FAM151B: variants seen among roughly 807,000 people sequenced by gnomAD.
FAM151B encodes the protein family with sequence similarity 151 member B, also known as protein FAM151B.
Under a neutral mutation model 31.2 loss-of-function variants are expected in FAM151B, and 24 were observed. The ratio of observed to expected loss-of-function variants is 0.77; its 90% CI spans 0.56 to 1.08. FAM151B has a LOEUF of 1.08. Ranked by LOEUF, FAM151B falls within the 50% of genes least tolerant of loss-of-function variation. The probability of loss-of-function intolerance (pLI) is 0.00; values close to 1 mark genes in which losing one functional copy is unlikely to be tolerated. For synonymous variants in FAM151B, 105 were observed against 111.4 expected (o/e 0.94, Z 0.36); for missense variants, 293 against 328.6 (o/e 0.89, Z 0.84).
intron 5 of FAM151B, among the ~76,000 whole-genome samples, chr5:80,534,568 A>G (rs1048862790): frequency 6.6e-6 from 1 of 152,212 alleles, no homozygotes; most frequent in African/African-American, 2.4e-5. Flanking sequence ...CCTTCGTGAT[A>G]AAAACCCACA....
intron 5 of FAM151B, among the ~76,000 whole-genome samples, chr5:80,536,960 G>A (rs1745543395): frequency 6.6e-6 from 1 of 152,158 alleles, no homozygotes; most frequent in Non-Finnish European, 1.5e-5. Flanking sequence ...TGAAAAAATA[G>A]TTTGAATGAA....
intron 5 of FAM151B, among the ~76,000 whole-genome samples, chr5:80,527,089 T>C (rs943082661): frequency 1.3e-5 from 2 of 152,156 alleles, no homozygotes; most frequent in African/African-American, 4.8e-5. Flanking sequence ...AGAAGTACAG[T>C]CATGTATCGC....
At chr5:80,538,488 TTCCTTCCTTC>T in intron 5 of FAM151B, among the ~76,000 whole-genome samples, 1 of 133,892 alleles carries the variant, frequency 7.5e-6, no homozygotes, top group African/African-American at 3.0e-5. Flanking sequence ...CTTTCTTTCC[TTCCTTCCTTC>T]CTTTCTTTTC....
intron 5 of FAM151B, among the ~76,000 whole-genome samples, chr5:80,531,859 C>T (rs1003030357): frequency 6.6e-6 from 1 of 152,114 alleles, no homozygotes; most frequent in Non-Finnish European, 1.5e-5. Flanking sequence ...ACTAGAAATA[C>T]CATTTGATCC....
At chr5:80,513,541 G>A in intron 2 of FAM151B, 63 bp from the exon 3 acceptor site, 1 of 1,457,288 alleles carries the variant, frequency 6.9e-7, no homozygotes, top group Admixed American at 2.2e-5. Context: ...ACTGAACATG[G>A]TGCCTCCTGT....
intron 4 of FAM151B, among the ~76,000 whole-genome samples, chr5:80,520,227 C>T (rs1440410312): frequency 2.0e-5 from 3 of 152,142 alleles, no homozygotes; most frequent in Admixed American, 1.3e-4. Flanking sequence ...CACGTCCCTT[C>T]TTTTTATCAG....
intron 1 of FAM151B, 73 bp from the exon 2 acceptor site, chr5:80,501,719 C>T (rs1034417474): frequency 1.9e-6 from 2 of 1,071,132 alleles, no homozygotes; most frequent in African/African-American, 1.6e-5. Flanking sequence ...TAAATATACA[C>T]AATGAAAGTG....
chr5:80,495,283 G>T (rs1212013596), intron 1 of FAM151B: 1 of 152,126 alleles, frequency 6.6e-6, no homozygotes, highest in Non-Finnish European at 1.5e-5. Context: ...TGGATCAAAG[G>T]GTAATCTTGA....
Position 80,498,517 on chromosome 5 carries a change from A to C in FAM151B, c.26-3275A>C, listed in dbSNP as rs1743629653. 5 of 874,676 alleles carry C rather than the reference A, an allele frequency of 5.7e-6. No homozygotes were observed. The Admixed American group carries it at 1.0e-4, about 17-fold the overall frequency. 54.2% of individuals were successfully genotyped at this position (874,676 alleles called of 1,614,324 possible). On this transcript the variant is annotated intron_variant, in intron 1 of 5. Coordinates refer to ENST00000282226, the MANE Select transcript of FAM151B (RefSeq NM_205548.3). The stretch of plus-strand genomic sequence containing the variant: ...AAGATGTTAGCTCATGTCTTTTATT[A>C]ACTCATAGACAATTACTTGTCTTCT...
intron 5 of FAM151B, among the ~76,000 whole-genome samples, chr5:80,534,004 C>A (rs1745375098): frequency 6.6e-6 from 1 of 151,980 alleles, no homozygotes. Flanking sequence ...ACTGGAAAAT[C>A]TAGAAGAAAT....
rs1472723152 is a variant in FAM151B, at chr5:80,501,886, C to T, written c.120C>T (p.Asn40=). 2 of 1,603,062 alleles carry T rather than the reference C, an allele frequency of 1.2e-6. No homozygotes were observed. The highest frequency in any genetic ancestry group is 1.7e-5 in the Admixed American group (1 of 59,010). ...AGATCACCTGGTATCATGCAGCTAACCACAAGGCACAAACAAATGAGGCAC... is the reference window on the plus strand; with the variant it reads ...AGATCACCTGGTATCATGCAGCTAATCACAAGGCACAAACAAATGAGGCAC... The part of the protein sequence containing the change: ...GAEITWYHAA[N]HKAQTNEALK... The change falls in exon 2 of 6, where the codon AAC becomes AAT. Residue 40 remains asparagine (N), a synonymous_variant. Coordinates refer to ENST00000282226, the MANE Select transcript of FAM151B (RefSeq NM_205548.3).
intron 1 of FAM151B, among the ~76,000 whole-genome samples, chr5:80,495,877 A>G (rs1401486620): frequency 2.0e-5 from 3 of 148,430 alleles, no homozygotes; most frequent in African/African-American, 7.3e-5. Context: ...TAAGAGAACT[A>G]GAATTAGAAT....
chr5:80,494,484 C>CTTTATTTA (rs1216097889), intron 1 of FAM151B, among the ~76,000 whole-genome samples: 2 of 142,262 alleles, frequency 1.4e-5, no homozygotes, highest in African/African-American at 5.6e-5. Context: ...TTCTTTCTTT[C>CTTTATTTA]TTTCTTTCTT....
At chr5:80,533,312 G>A (rs956107002) in intron 5 of FAM151B, among the ~76,000 whole-genome samples, 1 of 151,400 alleles carries the variant, frequency 6.6e-6, no homozygotes, top group Non-Finnish European at 1.5e-5. Flanking sequence ...GGGAGGCGGA[G>A]CTTGCAGTGA....
intron 4 of FAM151B, 85 bp downstream of exon 4, chr5:80,519,995 C>A: frequency 7.8e-7 from 1 of 1,286,418 alleles, no homozygotes; most frequent in Non-Finnish European, 1.1e-6. Flanking sequence ...AAGACCAAAA[C>A]CCATTCTACA....
chr5:80,531,260 A>G (rs1242601287), intron 5 of FAM151B, among the ~76,000 whole-genome samples: 1 of 152,158 alleles, frequency 6.6e-6, no homozygotes, highest in Non-Finnish European at 1.5e-5. Flanking sequence ...AGACTTAAAT[A>G]TTAGACCTAA....
intron 2 of FAM151B, chr5:80,510,804 T>C (rs1262468804): frequency 6.6e-6 from 1 of 152,232 alleles, no homozygotes; most frequent in African/African-American, 2.4e-5. Context: ...CTTATGGATC[T>C]GTATTGGCAT....
At chr5:80,498,234 G>A (rs1392040024) in intron 1 of FAM151B, among the ~76,000 whole-genome samples, 1 of 152,112 alleles carries the variant, frequency 6.6e-6, no homozygotes, top group African/African-American at 2.4e-5. Flanking sequence ...CAGTATGAAA[G>A]GTCTATGACT....
chr5:80,513,936 T>C (rs1038365973), intron 3 of FAM151B, among the ~76,000 whole-genome samples, 167 bp downstream of exon 3: 2 of 152,100 alleles, frequency 1.3e-5, no homozygotes, highest in Admixed American at 1.3e-4. Context: ...ACTAAAATTG[T>C]TTTTTGGAGA....
Sources: gnomAD v4.1 joint callset for allele counts (sites outside exome capture counted in the v4.1 genomes callset) on GRCh38, gnomAD v4.1.1 for gene constraint, MANE v1.5 for transcripts, NCBI Gene and HGNC (gene_info 2026-07-23, HGNC 2026-07-21) for gene names.